Variants in ESRRG observed in about 807,000 individuals in gnomAD.
The protein encoded by ESRRG is estrogen related receptor gamma, also known as estrogen-related receptor gamma.
In ESRRG, 13 loss-of-function variants were observed where a neutral mutation model predicts 44.0. The observed-to-expected ratio is 0.30, with a 90% CI of 0.19 to 0.47. The LOEUF is 0.47. Among genes scored for constraint, ESRRG ranks in the 20% least tolerant of loss-of-function variants. ESRRG has a pLI of 1.00. For synonymous variants in ESRRG, 215 were observed against 214.6 expected, an observed-to-expected ratio of 1.00 and a Z score of -0.02; for missense variants, 395 against 580.6, an observed-to-expected ratio of 0.68 and a Z score of 3.29.
intron 2 of ESRRG, among the ~76,000 whole-genome samples, chr1:216,828,572 A>G (rs2095435840): frequency 1.3e-5 from 2 of 152,228 alleles, no homozygotes; most frequent in South Asian, 4.1e-4. Context: ...CACCTTCGCC[A>G]TGATCTTTAC....
At chr1:216,614,686 AAG>A (rs2150362756) in intron 3 of ESRRG, among the ~76,000 whole-genome samples, 1 of 152,316 alleles carries the variant, frequency 6.6e-6, no homozygotes, top group Non-Finnish European at 1.5e-5. Context: ...TCCTGTTGAG[AAG>A]AGTCTTGAAA....
rs3795705 is a variant in ESRRG at position 216,895,983 on chromosome 1, C to T, written c.-14+43599G>A. On this transcript the variant is annotated intron_variant, in intron 2 of 7. Transcript: ENST00000359162. ...AAATCCAAAGTAAAATATCAGGTTTCTCCTTGTACTCATTCGTCTACCAAG... is the reference window on the plus strand; with the variant it reads ...AAATCCAAAGTAAAATATCAGGTTTTTCCTTGTACTCATTCGTCTACCAAG... Among the ~76,000 whole-genome samples, 29 of 152,302 alleles carry T rather than the reference C, an allele frequency of 1.9e-4. No individual in the cohort carries two copies. The East Asian group carries it at 5.4e-3, about 28-fold the overall frequency.
chr1:216,926,763 G>A (rs1057237784), intron 2 of ESRRG, among the ~76,000 whole-genome samples: 40 of 152,296 alleles, frequency 2.6e-4, no homozygotes, highest in African/African-American at 8.7e-4. Context: ...TGGGGGATCT[G>A]AAGGTAGCAG....
chr1:216,563,860 C>T (rs2059219727), intron 5 of ESRRG, among the ~76,000 whole-genome samples: 1 of 152,080 alleles, frequency 6.6e-6, no homozygotes, highest in African/African-American at 2.4e-5. Flanking sequence ...CATTAGGCTA[C>T]CGCTGACAAA....
chr1:216,804,390 C>G (rs2094719542), intron 2 of ESRRG, among the ~76,000 whole-genome samples: 1 of 152,154 alleles, frequency 6.6e-6, no homozygotes, highest in African/African-American at 2.4e-5. Context: ...AGAATCCTAA[C>G]AAAGCTACTT....
intron 1 of ESRRG, among the ~76,000 whole-genome samples, chr1:216,944,805 T>C (rs2065808339): frequency 6.6e-6 from 1 of 152,032 alleles, no homozygotes; most frequent in African/African-American, 2.4e-5. Flanking sequence ...TGAGGTAAAA[T>C]GGAGATGCTT....
intron 2 of ESRRG, among the ~76,000 whole-genome samples, chr1:216,812,563 G>T (rs2095008785): frequency 6.6e-6 from 1 of 151,980 alleles, no homozygotes; most frequent in Non-Finnish European, 1.5e-5. Context: ...TTTGTTTTTG[G>T]CATTCTTCAC....
At chr1:216,811,863 T>C (rs1482470721) in intron 2 of ESRRG, among the ~76,000 whole-genome samples, 1 of 152,194 alleles carries the variant, frequency 6.6e-6, no homozygotes, top group Non-Finnish European at 1.5e-5. Flanking sequence ...TGCATTCAAA[T>C]ATGTTCAAAA....
intron 3 of ESRRG, among the ~76,000 whole-genome samples, chr1:216,574,283 G>A (rs886437497): frequency 6.6e-6 from 1 of 151,904 alleles, no homozygotes; most frequent in Non-Finnish European, 1.5e-5. Flanking sequence ...TTGCCACAAG[G>A]GAATTACAAA....
intron 5 of ESRRG, among the ~76,000 whole-genome samples, chr1:216,538,158 G>A (rs949589153): frequency 6.6e-6 from 1 of 151,786 alleles, no homozygotes; most frequent in Non-Finnish European, 1.5e-5. Context: ...GCATTGTGTC[G>A]ACACTACTAA....
At chr1:216,660,394 A>G (rs781069435) in intron 2 of ESRRG, among the ~76,000 whole-genome samples, 31 of 152,310 alleles carry the variant, frequency 2.0e-4, no homozygotes, top group Non-Finnish European at 3.5e-4. Flanking sequence ...ATTATGAACT[A>G]CCATTCTGTG....
chr1:216,641,168 C>G (rs1282726393), intron 3 of ESRRG, among the ~76,000 whole-genome samples: 1 of 152,260 alleles, frequency 6.6e-6, no homozygotes, highest in East Asian at 1.9e-4. Context: ...AGGATTTCAG[C>G]CTTTCTCTCT....
chr1:216,939,364 A>AAAC (rs751255666), intron 2 of ESRRG, among the ~76,000 whole-genome samples: 71 of 133,782 alleles, frequency 5.3e-4, no homozygotes, highest in East Asian at 1.6e-3. Context: ...AAAAAAAAAA[A>AAAC]AAAAAACACT....
At chr1:216,973,561 T>C (rs567532184) in intron 1 of ESRRG, among the ~76,000 whole-genome samples, 1 of 152,284 alleles carries the variant, frequency 6.6e-6, no homozygotes, top group Admixed American at 6.5e-5. Context: ...GAGCAATGGC[T>C]CATGCCTGTA....
At chr1:216,598,545 T>G (rs1446881165) in intron 3 of ESRRG, among the ~76,000 whole-genome samples, 1 of 152,226 alleles carries the variant, frequency 6.6e-6, no homozygotes, top group Non-Finnish European at 1.5e-5. Context: ...TCCAGTGACC[T>G]GCATCTTACT....
At chr1:217,110,431 G>A (rs1439402145) in intron 1 of ESRRG, among the ~76,000 whole-genome samples, 1 of 152,088 alleles carries the variant, frequency 6.6e-6, no homozygotes, top group Non-Finnish European at 1.5e-5. Context: ...TGATGTGTAA[G>A]GCCATTCTTG....
At chr1:216,814,411 T>G (rs1199758437) in intron 2 of ESRRG, among the ~76,000 whole-genome samples, 1 of 152,228 alleles carries the variant, frequency 6.6e-6, no homozygotes, top group East Asian at 1.9e-4. Flanking sequence ...CTCAAATAAC[T>G]GGTGAACTCA....
rs571868523 is a variant in ESRRG, at chr1:216,597,744, T to C, written c.590-29646A>G. Among the ~76,000 whole-genome samples, 8 of 152,318 alleles carry C rather than the reference T, an allele frequency of 5.3e-5. No individual in the cohort carries two copies. In the East Asian group the frequency reaches 1.2e-3, roughly 22 times the overall value. ...AAAATGTGAAATGTATGAAGGGACT[T>C]GGTCCTGTAGATCCTGAGAAATCAC... On this transcript the variant is annotated intron_variant, in intron 3 of 6. Transcript: ENST00000408911.
intron 3 of ESRRG, among the ~76,000 whole-genome samples, chr1:216,594,738 GA>G (rs2058190959): frequency 6.6e-6 from 1 of 152,158 alleles, no homozygotes; most frequent in South Asian, 2.1e-4. Context: ...TTAGGATTTA[GA>G]AAGACAGCAT....
Sources: allele counts gnomAD v4.1 joint callset (sites outside exome capture counted in the v4.1 genomes callset), GRCh38; gene constraint gnomAD v4.1.1; transcripts MANE v1.5; gene names NCBI Gene and HGNC (gene_info 2026-07-23, HGNC 2026-07-21).